Variants in CTBP1 observed in about 807,000 individuals in gnomAD.
The protein encoded by CTBP1 is C-terminal-binding protein 1.
Under a neutral mutation model 42.1 loss-of-function variants are expected in CTBP1, and 11 were observed. That is an observed-to-expected ratio of 0.26 (90% CI 0.16 to 0.43). The LOEUF (loss-of-function observed/expected upper bound fraction) is 0.43, where lower values mean the gene tolerates loss of function less well. Among genes scored for constraint, CTBP1 ranks in the 20% least tolerant of loss-of-function variants. CTBP1 has a pLI of 1.00. For synonymous variants in CTBP1, 324 were observed against 277.1 expected, an observed-to-expected ratio of 1.17 and a Z score of -1.68; for missense variants, 399 against 624.3, an observed-to-expected ratio of 0.64 and a Z score of 3.85.
chr4:1,244,219 C>A, intron 1 of CTBP1: 6 of 985,302 alleles, frequency 6.1e-6, no homozygotes, highest in Non-Finnish European at 7.2e-6. Context: ...CCTGCCCACT[C>A]CGCCCCGATC....
At chr4:1,223,014 C>T (rs772335770) in intron 5 of CTBP1, among the ~76,000 whole-genome samples, 25 of 152,182 alleles carry the variant, frequency 1.6e-4, no homozygotes, top group Non-Finnish European at 2.8e-4. Flanking sequence ...CGGTGACCTG[C>T]AGGCAAGGCA....
chr4:1,246,275 C>G (rs1732714225), intron 1 of CTBP1, among the ~76,000 whole-genome samples: 1 of 152,132 alleles, frequency 6.6e-6, no homozygotes, highest in Non-Finnish European at 1.5e-5. Flanking sequence ...CCCTGGCGCT[C>G]CACCCGGCGC....
intron 1 of CTBP1, among the ~76,000 whole-genome samples, chr4:1,247,305 T>C (rs893675916): frequency 2.0e-5 from 3 of 152,024 alleles, no homozygotes; most frequent in African/African-American, 4.8e-5. Context: ...CCCCAGTGCG[T>C]GTCCCTCCCA....
intron 1 of CTBP1, chr4:1,243,944 C>T (rs943940169): frequency 3.6e-5 from 35 of 985,346 alleles, no homozygotes; most frequent in Middle Eastern, 5.2e-4. Context: ...AAGGGACCCA[C>T]GAGGGAAGTG....
intron 2 of CTBP1, among the ~76,000 whole-genome samples, chr4:1,239,403 G>T (rs114721898): frequency 6.6e-6 from 1 of 152,142 alleles, no homozygotes; most frequent in African/African-American, 2.4e-5. Context: ...AGGACCGTTC[G>T]GCCAGCAGGA....
At chr4:1,224,231 TCCATGTGTGGTGC>T (rs1223359082) in intron 5 of CTBP1, among the ~76,000 whole-genome samples, 3 of 152,214 alleles carry the variant, frequency 2.0e-5, no homozygotes, top group Admixed American at 1.3e-4. Context: ...TGGTGTGATA[TCCATGTGTGGTGC>T]CCATGTGTGC....
rs536622055 is a variant in CTBP1 at position 1,230,975 on chromosome 4, T to C, written c.163-2632A>G. On this transcript the variant is annotated intron_variant, in intron 3 of 9. Coordinates refer to ENST00000382952, the MANE Select transcript of CTBP1 (RefSeq NM_001012614.2). ...TCACTTGCCTGTGCACGATTCTTAA[T>C]ACACTTTTTTCAGGTCCTTGCCCTT... The C allele has an allele frequency of 3.9e-5, 6 of 152,378 alleles. No homozygotes were observed. In the South Asian group the frequency reaches 1.0e-3, roughly 26 times the overall value. 9.4% of individuals were successfully genotyped at this position (152,378 alleles called of 1,614,324 possible). A position where few individuals can be genotyped will look rare whatever the true frequency, so the allele number is the denominator to read the frequency against.
chr4:1,220,522 T>C (rs180841248), intron 5 of CTBP1, among the ~76,000 whole-genome samples: 3 of 152,326 alleles, frequency 2.0e-5, no homozygotes, highest in African/African-American at 7.2e-5. Context: ...TGAAAATTGA[T>C]GAGCTGATTC....
chr4:1,231,111 G>C (rs1259974178), intron 3 of CTBP1: 3 of 152,422 alleles, frequency 2.0e-5, no homozygotes, highest in Non-Finnish European at 4.4e-5. Context: ...CACGTACCAG[G>C]TTGGCCTGTG....
intron 1 of CTBP1, among the ~76,000 whole-genome samples, chr4:1,245,974 AC>A (rs2108806699): frequency 6.6e-6 from 1 of 152,240 alleles, no homozygotes; most frequent in African/African-American, 2.4e-5. Context: ...CAGAGAGACA[AC>A]TCAAGGTTAA....
intron 6 of CTBP1, 123 bp downstream of exon 6, chr4:1,215,868 C>A (rs1729052312): frequency 5.6e-6 from 6 of 1,080,800 alleles, no homozygotes; most frequent in South Asian, 4.6e-5. Context: ...CAGCCGCCGC[C>A]ATGTGGCTCG....
chr4:1,249,561 C>T (rs1442463520), upstream of CTBP1: 13 of 220,256 alleles, frequency 5.9e-5, no homozygotes, highest in African/African-American at 2.6e-4. Flanking sequence ...CGCTTCTCGC[C>T]CCGCGGCCTG....
rs1280316471 is a variant in CTBP1 at position 1,233,565 on chromosome 4, G to A, written c.162+4618C>T. 6.6e-6 allele frequency among the ~76,000 whole-genome samples: 1 copy of A among 152,108 alleles called. No homozygotes were observed. The highest frequency in any genetic ancestry group is 2.1e-4 in the South Asian group (1 of 4,816). On this transcript the variant is annotated intron_variant, in intron 3 of 9. Transcript: ENST00000382952. The surrounding 1 kb of genome is among the most constrained non-coding windows in gnomAD (Gnocchi z 4.6). ...CTTGCTCAGCAGTTTGATCAGATGT[G>A]CAGTGCTGGGCTGAAAACCCTTCTC... is the stretch of plus-strand genomic sequence containing the variant.
At chr4:1,243,685 A>G in intron 1 of CTBP1, 3 of 985,420 alleles carry the variant, frequency 3.0e-6, no homozygotes, top group Non-Finnish European at 3.6e-6. Context: ...CACGCCAGGG[A>G]GCTGGCCTCC....
intron 1 of CTBP1, among the ~76,000 whole-genome samples, chr4:1,247,767 A>AC (rs1553852049): frequency 2.8e-5 from 2 of 70,840 alleles, no homozygotes; most frequent in South Asian, 5.0e-4. Context: ...GAGGCCGGGG[A>AC]GGGGGGGGGG....
At chr4:1,228,068 C>T (rs1303362933) in intron 4 of CTBP1, 131 bp downstream of exon 4, 11 of 1,327,494 alleles carry the variant, frequency 8.3e-6, no homozygotes, top group African/African-American at 2.9e-5. Context: ...GACGGGACCA[C>T]GAACCACCGC....
At position 1,238,433 on chromosome 4, in the gene CTBP1, C is replaced by A; in HGVS notation, c.8-96G>T. ...CCACTGTGCACGGGCCAACGAGGGC[C>A]GACCGCCGGGGGTTTTCTGGTCTAT... is the stretch of plus-strand genomic sequence containing the variant. On this transcript the variant is annotated intron_variant, in intron 2 of 9. Transcript: ENST00000382952. This position sits in a 1 kb window ranked among gnomAD's most constrained non-coding sequence, Gnocchi z 5.9. The A allele has an allele frequency of 1.4e-6, 2 of 1,417,670 alleles. No homozygotes were observed. Among genetic ancestry groups the A allele is most frequent in the Non-Finnish European group, 9.4e-7 (1 of 1,067,578 alleles). The allele number at this position is 1,417,670 out of a possible 1,614,324, so 87.8% of individuals were successfully genotyped here. A position where few individuals can be genotyped will look rare whatever the true frequency, so the allele number is the denominator to read the frequency against.
chr4:1,236,577 C>T (rs1206896713), intron 3 of CTBP1: 2 of 670,464 alleles, frequency 3.0e-6, no homozygotes, highest in Middle Eastern at 5.3e-4. Flanking sequence ...GAGTGTCCAC[C>T]TCCTGATGGG....
chr4:1,228,864 C>G (rs1474941053), intron 3 of CTBP1, among the ~76,000 whole-genome samples: 1 of 152,228 alleles, frequency 6.6e-6, no homozygotes, highest in African/African-American at 2.4e-5. Context: ...CGGAGGCAGG[C>G]AGACGCCACC....
Sources: allele counts gnomAD v4.1 joint callset (sites outside exome capture counted in the v4.1 genomes callset), GRCh38; gene constraint gnomAD v4.1.1; non-coding constraint Gnocchi (gnomAD v3.1); transcripts MANE v1.5; gene names NCBI Gene and HGNC (gene_info 2026-07-23, HGNC 2026-07-21).